Variants in EFCAB13 observed in about 807,000 individuals in gnomAD.
The protein encoded by EFCAB13 is EF-hand calcium-binding domain-containing protein 13.
EFCAB13 carries 91 observed loss-of-function variants against 110.2 expected under a neutral mutation model. The observed-to-expected ratio is 0.83, with a 90% confidence interval of 0.70 to 0.98. The LOEUF (loss-of-function observed/expected upper bound fraction) is 0.98. Among genes scored for constraint, EFCAB13 ranks in the 50% least tolerant of loss-of-function variants. The pLI is 0.00. For synonymous variants in EFCAB13, 323 were observed against 369.9 expected (o/e 0.87, Z 1.45); for missense variants, 968 against 1,119.4 (o/e 0.86, Z 1.93).
At chr17:47,438,368 G>A (rs1296198203) in intron 24 of EFCAB13, among the ~76,000 whole-genome samples, 5 of 152,090 alleles carry the variant, frequency 3.3e-5, no homozygotes, top group African/African-American at 9.7e-5. Flanking sequence ...AGTTTTCCTC[G>A]ATTATTCCCC....
chr17:47,383,726 G>A (rs150537398), intron 14 of EFCAB13, among the ~76,000 whole-genome samples: 1 of 152,282 alleles, frequency 6.6e-6, no homozygotes, highest in African/African-American at 2.4e-5. Context: ...TAAGTGCGAT[G>A]TAGTGCTGAG....
At chr17:47,401,074 T>C (rs2065776607) in intron 17 of EFCAB13, among the ~76,000 whole-genome samples, 2 of 152,178 alleles carry the variant, frequency 1.3e-5, no homozygotes, top group Admixed American at 1.3e-4. Flanking sequence ...GTTAGTGATA[T>C]ATAGGACTCT....
intron 20 of EFCAB13, 45 bp downstream of exon 20, chr17:47,404,678 C>A: frequency 6.9e-7 from 1 of 1,455,708 alleles, no homozygotes; most frequent in Non-Finnish European, 9.5e-7. Context: ...TGATACAGAA[C>A]TTATTCAAAG....
chr17:47,398,258 C>A lies in EFCAB13; in HGVS notation c.1945+2281C>A, dbSNP rs867325037. Among the ~76,000 whole-genome samples the A allele has an allele frequency of 7.3e-5, 10 of 137,086 alleles. 1 individual carries two copies. Among genetic ancestry groups the A allele is most frequent in the African/African-American group, 2.6e-4 (10 of 38,206 alleles). The allele number at this position is 137,086 out of a possible 152,430, so 89.9% of individuals were successfully genotyped here. A position where few individuals can be genotyped will look rare whatever the true frequency, so the allele number is the denominator to read the frequency against. ...GAGGTGGGGGGGTCAGCCCCCCGCCCGGCCAGCCACCCCGCCCGGGAGGTG... is the reference window on the plus strand; with the variant it reads ...GAGGTGGGGGGGTCAGCCCCCCGCCAGGCCAGCCACCCCGCCCGGGAGGTG... On this transcript the variant is annotated intron_variant, in intron 17 of 24. Coordinates refer to ENST00000331493, the MANE Select transcript of EFCAB13 (RefSeq NM_152347.5).
At chr17:47,351,151 AC>A (rs1398043547) in intron 9 of EFCAB13, among the ~76,000 whole-genome samples, 59 of 152,282 alleles carry the variant, frequency 3.9e-4, no homozygotes, top group African/African-American at 1.3e-3. Context: ...TTTGGCTCCT[AC>A]CTATAAATGG....
chr17:47,401,675 C>T (rs1459889706), intron 17 of EFCAB13, among the ~76,000 whole-genome samples: 6 of 120,630 alleles, frequency 5.0e-5, no homozygotes, highest in South Asian at 2.6e-4. Flanking sequence ...GATGGCGTCT[C>T]GCTTTGTCGC....
At chr17:47,411,368 C>T (rs1265318163) in intron 21 of EFCAB13, among the ~76,000 whole-genome samples, 1 of 152,188 alleles carries the variant, frequency 6.6e-6, no homozygotes, top group Non-Finnish European at 1.5e-5. Flanking sequence ...GACATTTCCC[C>T]CCCAAACTCA....
Position 47,347,797 on chromosome 17 carries a change from T to A in EFCAB13, c.518-11T>A, listed in dbSNP as rs780477958. On this transcript the variant is annotated splice_polypyrimidine_tract_variant and intron_variant, in intron 8 of 24. Coordinates refer to ENST00000331493, the MANE Select transcript of EFCAB13 (RefSeq NM_152347.5). ...GATTAACTAACTAAATGTTTTGTTA[T>A]GTGTGTGCAGCACTTCATAAAGCCT... 3.5e-6 allele frequency: 5 copies of A among 1,419,442 alleles called. No individual in the cohort carries two copies. The East Asian group carries it at 1.2e-4, about 35-fold the overall frequency. The allele number at this position is 1,419,442 out of a possible 1,614,324, so 87.9% of individuals were successfully genotyped here.
intron 14 of EFCAB13, among the ~76,000 whole-genome samples, chr17:47,384,389 A>G (rs985811946): frequency 4.0e-5 from 6 of 149,500 alleles, no homozygotes; most frequent in Admixed American, 4.0e-4. Context: ...TAGTTGATGC[A>G]GTTTCTTCAT....
At chr17:47,330,909 A>G (rs1042409951) in intron 4 of EFCAB13, among the ~76,000 whole-genome samples, 1 of 151,942 alleles carries the variant, frequency 6.6e-6, no homozygotes, top group Non-Finnish European at 1.5e-5. Flanking sequence ...ACTAATTTAC[A>G]TCATCCCATC....
chr17:47,354,517 CTAGTAGTA>C (rs778804508), intron 9 of EFCAB13, among the ~76,000 whole-genome samples: 27 of 152,106 alleles, frequency 1.8e-4, no homozygotes, highest in Non-Finnish European at 3.2e-4. Flanking sequence ...TTTCTTAGGT[CTAGTAGTA>C]ACTGTTTTAT....
chr17:47,401,640 CTTTTTTTTTTTTT>C (rs763737651), intron 17 of EFCAB13, among the ~76,000 whole-genome samples: 1 of 84,540 alleles, frequency 1.2e-5, no homozygotes, highest in African/African-American at 4.8e-5. Context: ...CTCAGCCTGA[CTTTTTTTTTTTTT>C]TTTTTTTTTG....
intron 11 of EFCAB13, among the ~76,000 whole-genome samples, chr17:47,371,967 T>C (rs139860193): frequency 2.0e-5 from 3 of 152,284 alleles, no homozygotes; most frequent in East Asian, 3.9e-4. Context: ...TCTTTTCTCA[T>C]GCTGCTAATA....
chr17:47,424,544 C>T (rs1189792287), intron 23 of EFCAB13, among the ~76,000 whole-genome samples: 1 of 152,148 alleles, frequency 6.6e-6, no homozygotes, highest in Non-Finnish European at 1.5e-5. Flanking sequence ...ATACTTATTT[C>T]TCTCTGGAAG....
chr17:47,386,804 C>A (rs1426352344), intron 14 of EFCAB13, among the ~76,000 whole-genome samples: 1 of 152,146 alleles, frequency 6.6e-6, no homozygotes, highest in Non-Finnish European at 1.5e-5. Flanking sequence ...ATTGCAAAAA[C>A]CGTGGGGAAA....
intron 17 of EFCAB13, among the ~76,000 whole-genome samples, chr17:47,401,803 C>G (rs1050685272): frequency 1.3e-5 from 2 of 152,004 alleles, no homozygotes; most frequent in African/African-American, 4.8e-5. Context: ...TGCCACCACA[C>G]CCGGCTAATT....
At chr17:47,408,775 C>G (rs917792172) in intron 20 of EFCAB13, among the ~76,000 whole-genome samples, 14 of 152,066 alleles carry the variant, frequency 9.2e-5, no homozygotes, top group Non-Finnish European at 1.6e-4. Context: ...TGGGAGAGGA[C>G]TACTGGCATC....
chr17:47,439,279 C>T (rs537755329), intron 24 of EFCAB13, among the ~76,000 whole-genome samples: 20 of 147,080 alleles, frequency 1.4e-4, no homozygotes, highest in Non-Finnish European at 1.9e-4. Flanking sequence ...AAGGTGCAAG[C>T]GATTCTTCTG....
chr17:47,325,937 T>TATATATATC lies in EFCAB13; in HGVS notation c.-247-281_-247-280insCATATATAT. On this transcript the variant is annotated intron_variant, in intron 2 of 24. Transcript: ENST00000331493. ...TATATAAACAAAATATATATATATA[T>TATATATATC]ATATATATATATATATATATATATA... 6.1e-5 allele frequency among the ~76,000 whole-genome samples: 3 copies of TATATATATC among 49,100 alleles called. No individual in the cohort carries two copies. The East Asian group carries it at 1.7e-3, about 28-fold the overall frequency. The allele number at this position is 49,100 out of a possible 152,430, so 32.2% of individuals were successfully genotyped here. A position where few individuals can be genotyped will look rare whatever the true frequency, so the allele number is the denominator to read the frequency against.
Sources: gnomAD v4.1 joint callset for allele counts (sites outside exome capture counted in the v4.1 genomes callset) on GRCh38, gnomAD v4.1.1 for gene constraint, MANE v1.5 for transcripts, NCBI Gene and HGNC (gene_info 2026-07-23, HGNC 2026-07-21) for gene names.